The following EDIL3 variants were observed in gnomAD, a reference collection of about 807,000 sequenced individuals.
EDIL3 encodes the protein EGF-like repeat and discoidin I-like domain-containing protein 3.
EDIL3 carries 37 observed loss-of-function variants against 67.4 expected under a neutral mutation model. That is an observed-to-expected ratio of 0.55 (90% CI 0.42 to 0.72). EDIL3 has a LOEUF of 0.72. EDIL3 is among the 30% of genes least tolerant of loss of function. The pLI is 0.00. For synonymous variants in EDIL3, 195 were observed against 196.3 expected, an observed-to-expected ratio of 0.99 and a Z score of 0.05; for missense variants, 527 against 586.3, an observed-to-expected ratio of 0.90 and a Z score of 1.04.
chr5:84,254,727 C>A (rs1745094692), intron 1 of EDIL3, among the ~76,000 whole-genome samples: 1 of 152,172 alleles, frequency 6.6e-6, no homozygotes, highest in Non-Finnish European at 1.5e-5. Flanking sequence ...TACTTCCTCT[C>A]TTGGAGTGCT....
At chr5:84,372,378 G>C (rs1032598690) in intron 1 of EDIL3, among the ~76,000 whole-genome samples, 1 of 152,142 alleles carries the variant, frequency 6.6e-6, no homozygotes, top group Admixed American at 6.6e-5. Context: ...TAAAAGGAGA[G>C]ATGAAACTAT....
intron 1 of EDIL3, among the ~76,000 whole-genome samples, chr5:84,369,545 A>C (rs1747803377): frequency 6.6e-6 from 1 of 152,120 alleles, no homozygotes; most frequent in African/African-American, 2.4e-5. Context: ...TCAAAATCAC[A>C]GAAACAGAAA....
intron 9 of EDIL3, among the ~76,000 whole-genome samples, chr5:84,020,938 T>C (rs1404494612): frequency 6.6e-6 from 1 of 152,026 alleles, no homozygotes; most frequent in African/African-American, 2.4e-5. Flanking sequence ...GAAGTAAAAG[T>C]AAGTCAGAGA....
intron 5 of EDIL3, among the ~76,000 whole-genome samples, chr5:84,121,996 C>T (rs1428661141): frequency 1.3e-5 from 2 of 151,982 alleles, no homozygotes; most frequent in Non-Finnish European, 2.9e-5. Flanking sequence ...TGCTCAAAAA[C>T]ATCATTGATC....
At chr5:84,103,375 T>A (rs1580328208) in intron 6 of EDIL3, among the ~76,000 whole-genome samples, 1 of 152,094 alleles carries the variant, frequency 6.6e-6, no homozygotes, top group Admixed American at 6.6e-5. Flanking sequence ...AAATGGGATC[T>A]AATTAAACTA....
intron 1 of EDIL3, among the ~76,000 whole-genome samples, chr5:84,298,739 T>C (rs1451581264): frequency 6.6e-6 from 1 of 152,212 alleles, no homozygotes; most frequent in African/African-American, 2.4e-5. Context: ...ATCTCCTTAT[T>C]GTGAAAGCGA....
chr5:84,072,769 T>C (rs189378232), intron 6 of EDIL3, among the ~76,000 whole-genome samples: 1 of 152,092 alleles, frequency 6.6e-6, no homozygotes, highest in Admixed American at 6.6e-5. Context: ...GAAAAGAAGA[T>C]ACTATTTACT....
At chr5:83,951,678 A>C (rs1420598699) in intron 10 of EDIL3, among the ~76,000 whole-genome samples, 1 of 151,734 alleles carries the variant, frequency 6.6e-6, no homozygotes, top group Non-Finnish European at 1.5e-5. Context: ...GTTTGGGAAC[A>C]TATTTCTTCA....
At chr5:84,358,269 T>C (rs1359262677) in intron 1 of EDIL3, among the ~76,000 whole-genome samples, 1 of 152,158 alleles carries the variant, frequency 6.6e-6, no homozygotes, top group Non-Finnish European at 1.5e-5. Context: ...ATATGTAATC[T>C]ATAAGGCCAG....
intron 3 of EDIL3, among the ~76,000 whole-genome samples, chr5:84,208,186 C>T (rs1424024947): frequency 6.6e-6 from 1 of 152,032 alleles, no homozygotes; most frequent in Non-Finnish European, 1.5e-5. Context: ...ACAATGAACT[C>T]AAACAAATTT....
At chr5:84,052,172 A>C (rs1219649094) in intron 9 of EDIL3, among the ~76,000 whole-genome samples, 1 of 152,238 alleles carries the variant, frequency 6.6e-6, no homozygotes, top group Non-Finnish European at 1.5e-5. Context: ...CTTAAAGAAA[A>C]GAATTTTCAA....
chr5:84,201,785 T>C (rs1367656882), intron 3 of EDIL3, among the ~76,000 whole-genome samples: 11 of 152,126 alleles, frequency 7.2e-5, no homozygotes, highest in Non-Finnish European at 1.6e-4. Flanking sequence ...GAATAGTATA[T>C]TGCCAACTAT....
chr5:84,006,177 G>C (rs1486433329), intron 9 of EDIL3, among the ~76,000 whole-genome samples: 1 of 151,516 alleles, frequency 6.6e-6, no homozygotes, highest in Non-Finnish European at 1.5e-5. Context: ...ACTATTGAAG[G>C]AAGTCAGACA....
chr5:84,134,173 T>C (rs1392060273), intron 5 of EDIL3, among the ~76,000 whole-genome samples: 1 of 152,198 alleles, frequency 6.6e-6, no homozygotes, highest in Non-Finnish European at 1.5e-5. Flanking sequence ...CACATTACAG[T>C]AAATAATTCA....
intron 1 of EDIL3, among the ~76,000 whole-genome samples, chr5:84,269,372 C>T (rs1342744657): frequency 6.6e-6 from 1 of 152,068 alleles, no homozygotes; most frequent in Non-Finnish European, 1.5e-5. Flanking sequence ...TCTCTGTGAA[C>T]TTTTACTTGT....
intron 9 of EDIL3, among the ~76,000 whole-genome samples, chr5:83,984,157 G>A (rs575920956): frequency 1.3e-5 from 2 of 152,132 alleles, no homozygotes; most frequent in South Asian, 2.1e-4. Flanking sequence ...AGGGACCCAA[G>A]AGTGAAAAAA....
intron 3 of EDIL3, among the ~76,000 whole-genome samples, chr5:84,189,148 T>C (rs1743526382): frequency 1.3e-5 from 2 of 152,024 alleles, no homozygotes; most frequent in Non-Finnish European, 2.9e-5. Flanking sequence ...TACTTGGTTC[T>C]CGTCACAGAG....
At chr5:84,219,112 G>A (rs1744289521) in intron 3 of EDIL3, among the ~76,000 whole-genome samples, 1 of 152,186 alleles carries the variant, frequency 6.6e-6, no homozygotes, top group South Asian at 2.1e-4. Flanking sequence ...TGGCCACAGA[G>A]GTGCTTGTGT....
At chr5:84,189,858 T>A (rs1382978545) in intron 3 of EDIL3, among the ~76,000 whole-genome samples, 1 of 152,032 alleles carries the variant, frequency 6.6e-6, no homozygotes, top group African/African-American at 2.4e-5. Context: ...AAATATGTAA[T>A]GAACATATGA....
Sources: allele counts gnomAD v4.1 joint callset (sites outside exome capture counted in the v4.1 genomes callset), GRCh38; gene constraint gnomAD v4.1.1; transcripts MANE v1.5; gene names NCBI Gene and HGNC (gene_info 2026-07-23, HGNC 2026-07-21).